TRPC4: variants seen among roughly 807,000 people sequenced by gnomAD.
The protein encoded by TRPC4 is short transient receptor potential channel 4.
A neutral mutation model predicts 99.4 loss-of-function variants in TRPC4; 49 were observed. That is an observed-to-expected ratio of 0.49 (90% CI 0.39 to 0.63). The LOEUF (loss-of-function observed/expected upper bound fraction) is 0.63. Among genes scored for constraint, TRPC4 ranks in the 20% least tolerant of loss-of-function variants. TRPC4 has a pLI of 0.00. For missense variants in TRPC4, 898 were observed against 1,152.9 expected (o/e 0.78, Z 3.20); for synonymous variants, 454 against 425.9 (o/e 1.07, Z -0.81).
intron 1 of TRPC4, among the ~76,000 whole-genome samples, chr13:37,830,344 T>C (rs891962909): frequency 1.3e-5 from 2 of 152,084 alleles, no homozygotes; most frequent in African/African-American, 4.8e-5. Flanking sequence ...AACATTAAAA[T>C]GGTTAAGTAC....
chr13:37,654,974 G>C, intron 7 of TRPC4, 114 bp downstream of exon 7: 2 of 822,142 alleles, frequency 2.4e-6, no homozygotes, highest in Non-Finnish European at 3.4e-6. Flanking sequence ...ATTCTTATCT[G>C]TCTAATCAAT....
chr13:37,767,587 T>A (rs73168484), intron 2 of TRPC4, among the ~76,000 whole-genome samples: 15,024 of 151,016 alleles, frequency 0.099, 1,092 homozygotes, highest in African/African-American at 0.2. Context: ...TGAAGAAAAA[T>A]ATATATATTC....
At chr13:37,707,547 G>A (rs751975069) in intron 3 of TRPC4, among the ~76,000 whole-genome samples, 13 of 152,066 alleles carry the variant, frequency 8.5e-5, no homozygotes, top group Non-Finnish European at 1.6e-4. Flanking sequence ...AAAGTCCAAG[G>A]CAAATTCTAA....
At chr13:37,712,521 T>G (rs968892221) in intron 3 of TRPC4, among the ~76,000 whole-genome samples, 6 of 152,190 alleles carry the variant, frequency 3.9e-5, no homozygotes, top group Non-Finnish European at 5.9e-5. Flanking sequence ...AGTTCCTATC[T>G]TGAAAAGTAG....
intron 1 of TRPC4, among the ~76,000 whole-genome samples, chr13:37,827,742 C>CG (rs1179884130): frequency 6.6e-6 from 1 of 152,218 alleles, no homozygotes; most frequent in Non-Finnish European, 1.5e-5. Flanking sequence ...TGTGCCCTGC[C>CG]CCCAGAGGTG....
intron 3 of TRPC4, among the ~76,000 whole-genome samples, chr13:37,727,509 A>G (rs1424337450): frequency 6.6e-6 from 1 of 152,012 alleles, no homozygotes; most frequent in Non-Finnish European, 1.5e-5. Context: ...TTACAACTTA[A>G]TAAATTGGAA....
chr13:37,648,258 A>C (rs1951910901), intron 8 of TRPC4, among the ~76,000 whole-genome samples: 2 of 152,312 alleles, frequency 1.3e-5, no homozygotes, highest in South Asian at 4.1e-4. Flanking sequence ...TACTTTTATA[A>C]GCAAGAACTT....
chr13:37,781,064 TA>T (rs1956826176), intron 2 of TRPC4, among the ~76,000 whole-genome samples: 2 of 152,166 alleles, frequency 1.3e-5, no homozygotes, highest in African/African-American at 4.8e-5. Context: ...GGCTAGAGTT[TA>T]GTTCAGAAGT....
chr13:37,720,868 A>G (rs1216495712), intron 3 of TRPC4, among the ~76,000 whole-genome samples: 1 of 152,208 alleles, frequency 6.6e-6, no homozygotes, highest in Non-Finnish European at 1.5e-5. Flanking sequence ...ATGCAACTTA[A>G]CAATTGGTGC....
chr13:37,808,573 A>G (rs1957590146), intron 1 of TRPC4, among the ~76,000 whole-genome samples: 1 of 152,080 alleles, frequency 6.6e-6, no homozygotes, highest in African/African-American at 2.4e-5. Context: ...ATTGTCTTGT[A>G]GAACTACAGG....
At chr13:37,768,679 C>CAT (rs1956461865) in intron 2 of TRPC4, among the ~76,000 whole-genome samples, 1 of 150,736 alleles carries the variant, frequency 6.6e-6, no homozygotes, top group South Asian at 2.1e-4. Context: ...CACGCACACA[C>CAT]ACACACACAC....
At chr13:37,775,731 T>C (rs1157489720) in intron 2 of TRPC4, among the ~76,000 whole-genome samples, 5 of 151,798 alleles carry the variant, frequency 3.3e-5, no homozygotes, top group Non-Finnish European at 5.9e-5. Flanking sequence ...TATTTTCATA[T>C]TGTGGAATAA....
At chr13:37,830,321 A>G (rs1958382513) in intron 1 of TRPC4, among the ~76,000 whole-genome samples, 1 of 152,180 alleles carries the variant, frequency 6.6e-6, no homozygotes, top group South Asian at 2.1e-4. Context: ...TATCTATAGG[A>G]AAAAATAAAT....
At chr13:37,790,861 T>C (rs1957100662) in intron 1 of TRPC4, among the ~76,000 whole-genome samples, 1 of 152,138 alleles carries the variant, frequency 6.6e-6, no homozygotes, top group South Asian at 2.1e-4. Context: ...GTGACATATT[T>C]GGTGAGTTCA....
chr13:37,773,153 T>G (rs1447228620), intron 2 of TRPC4, among the ~76,000 whole-genome samples: 1 of 151,734 alleles, frequency 6.6e-6, no homozygotes, highest in African/African-American at 2.4e-5. Flanking sequence ...AAGAACTCTC[T>G]ATACTGCTTG....
At chr13:37,721,934 T>G (rs1313123895) in intron 3 of TRPC4, among the ~76,000 whole-genome samples, 1 of 152,048 alleles carries the variant, frequency 6.6e-6, no homozygotes, top group Non-Finnish European at 1.5e-5. Flanking sequence ...ACCACACCTG[T>G]GGCCTATTTT....
In TRPC4 at chr13:37,663,628, C is replaced by T; in HGVS notation, c.1476G>A (p.Leu492=). 6.2e-7 allele frequency: 1 copy of T among 1,614,150 alleles called. No homozygotes were observed. The highest frequency in any genetic ancestry group is 2.2e-5 in the East Asian group (1 of 44,870). ...GAGAATTTGCAGTAAACAGTGAGAT[C>T]AGACGCAGAGAACTGAAGATGTTTG... ...AIANIFSSLR[L]ISLFTANSHL... The change falls in exon 6 of 11, where the codon CTG becomes CTA. Residue 492 remains leucine, a synonymous_variant. Coordinates refer to ENST00000379705, the MANE Select transcript of TRPC4 (RefSeq NM_016179.4).
At chr13:37,863,657 C>T (rs998638422) in intron 1 of TRPC4, among the ~76,000 whole-genome samples, 1 of 151,570 alleles carries the variant, frequency 6.6e-6, no homozygotes, top group African/African-American at 2.4e-5. Context: ...GAAACTCATG[C>T]TGTCATAAAT....
At chr13:37,651,640 G>C (rs1456590772) in intron 7 of TRPC4, among the ~76,000 whole-genome samples, 181 bp from the exon 8 acceptor site, 1 of 152,112 alleles carries the variant, frequency 6.6e-6, no homozygotes, top group African/African-American at 2.4e-5. Context: ...GCTTAACCTA[G>C]GGTAGTCACA....
Sources: allele counts gnomAD v4.1 joint callset (sites outside exome capture counted in the v4.1 genomes callset), GRCh38; gene constraint gnomAD v4.1.1; transcripts MANE v1.5; gene names NCBI Gene and HGNC (gene_info 2026-07-23, HGNC 2026-07-21).